The following SCFD2 variants were observed in gnomAD, a reference collection of about 807,000 sequenced individuals.
SCFD2 encodes sec1 family domain containing 2, also known as sec1 family domain-containing protein 2.
SCFD2 carries 54 observed loss-of-function variants against 58.9 expected under a neutral mutation model. The observed-to-expected ratio is 0.92, with a 90% CI of 0.74 to 1.15. The LOEUF (loss-of-function observed/expected upper bound fraction) is 1.15, where lower values mean the gene tolerates loss of function less well. SCFD2 is among the 50% of genes most tolerant of loss of function. The pLI, the probability that SCFD2 is intolerant of heterozygous loss-of-function variation, is 0.00. For synonymous variants in SCFD2, 321 were observed against 335.9 expected, an observed-to-expected ratio of 0.96 and a Z score of 0.49; for missense variants, 805 against 836.6, an observed-to-expected ratio of 0.96 and a Z score of 0.47.
At position 53,331,893 on chromosome 4, in the gene SCFD2, A is replaced by T. The variant is rs1224370409; in HGVS notation, c.1008-18130T>A. Among the ~76,000 whole-genome samples the T allele has an allele frequency of 2.0e-5, 3 of 152,240 alleles. No homozygotes were observed. The South Asian group carries it at 6.2e-4, about 31-fold the overall frequency. ...AAAGAGAGAAGAATCAAATAGAGGC[A>T]ATAAAAAATGATAAAGGGGATATCA... is the stretch of plus-strand genomic sequence containing the variant. On this transcript the variant is annotated intron_variant, in intron 2 of 8. Transcript: ENST00000401642.
At chr4:52,898,586 T>G (rs1433806055) in intron 7 of SCFD2, among the ~76,000 whole-genome samples, 1 of 152,186 alleles carries the variant, frequency 6.6e-6, no homozygotes, top group Non-Finnish European at 1.5e-5. Flanking sequence ...TGTGGTCAAT[T>G]TTGGAATAGG....
At chr4:52,909,564 G>T (rs182182569) in intron 6 of SCFD2, among the ~76,000 whole-genome samples, 1 of 152,094 alleles carries the variant, frequency 6.6e-6, no homozygotes, top group Admixed American at 6.5e-5. Flanking sequence ...ATGGGGTGGC[G>T]GACCAAGCAA....
chr4:53,122,174 T>C (rs554397706), intron 5 of SCFD2, among the ~76,000 whole-genome samples: 1 of 152,138 alleles, frequency 6.6e-6, no homozygotes, highest in South Asian at 2.1e-4. Context: ...GTCAGCAGTT[T>C]GAGACCAGCC....
At chr4:53,025,869 T>C (rs1249983689) in intron 5 of SCFD2, among the ~76,000 whole-genome samples, 2 of 152,214 alleles carry the variant, frequency 1.3e-5, no homozygotes, top group African/African-American at 4.8e-5. Context: ...GTTAAATACA[T>C]GTATAAAACT....
At chr4:53,074,046 A>G (rs1397189930) in intron 5 of SCFD2, among the ~76,000 whole-genome samples, 1 of 152,198 alleles carries the variant, frequency 6.6e-6, no homozygotes, top group East Asian at 1.9e-4. Flanking sequence ...TGTCTGTAGC[A>G]TGTAAGCACC....
intron 5 of SCFD2, among the ~76,000 whole-genome samples, chr4:53,084,518 T>A (rs1472021485): frequency 3.3e-5 from 5 of 152,304 alleles, no homozygotes; most frequent in African/African-American, 9.6e-5. Flanking sequence ...ACGTACATCC[T>A]CAGCTTACGA....
intron 7 of SCFD2, among the ~76,000 whole-genome samples, chr4:52,901,161 G>C (rs541555745): frequency 1.7e-4 from 26 of 152,230 alleles, no homozygotes; most frequent in Non-Finnish European, 2.5e-4. Context: ...TGCACCCGCT[G>C]TCCGGCATTC....
chr4:53,001,691 G>C (rs1305930082), intron 5 of SCFD2, among the ~76,000 whole-genome samples: 1 of 152,178 alleles, frequency 6.6e-6, no homozygotes, highest in Non-Finnish European at 1.5e-5. Context: ...ACTCAAAATT[G>C]ACGTTAAATT....
chr4:53,254,493 T>C (rs192232340), intron 4 of SCFD2, among the ~76,000 whole-genome samples: 4 of 151,968 alleles, frequency 2.6e-5, no homozygotes, highest in Non-Finnish European at 4.4e-5. Flanking sequence ...TTTCTTTTTT[T>C]TTTTGTTTTA....
intron 5 of SCFD2, among the ~76,000 whole-genome samples, chr4:52,926,250 AG>A (rs1719860225): frequency 6.6e-6 from 1 of 152,028 alleles, no homozygotes; most frequent in African/African-American, 2.4e-5. Context: ...CCTTTTCATA[AG>A]AACCTGGTTT....
At chr4:52,877,576 G>A (rs1160311513) in intron 8 of SCFD2, among the ~76,000 whole-genome samples, 1 of 152,228 alleles carries the variant, frequency 6.6e-6, no homozygotes, top group East Asian at 1.9e-4. Flanking sequence ...ATGATTATGT[G>A]AGGATCAATG....
At chr4:53,087,700 C>T (rs1168067403) in intron 5 of SCFD2, among the ~76,000 whole-genome samples, 1 of 149,540 alleles carries the variant, frequency 6.7e-6, no homozygotes, top group African/African-American at 2.5e-5. Context: ...CGCTGTGTCC[C>T]CCAGGCTGGA....
chr4:53,126,241 G>A (rs1408171763), intron 5 of SCFD2, among the ~76,000 whole-genome samples: 1 of 152,150 alleles, frequency 6.6e-6, no homozygotes, highest in African/African-American at 2.4e-5. Context: ...ATAATAATCG[G>A]TTGAAAGGAG....
intron 4 of SCFD2, among the ~76,000 whole-genome samples, chr4:53,159,218 G>A (rs1726780032): frequency 1.3e-5 from 2 of 152,146 alleles, no homozygotes; most frequent in African/African-American, 4.8e-5. Context: ...AGATATAATT[G>A]TAGATTATCT....
At chr4:53,345,103 T>C (rs1237464434) in intron 2 of SCFD2, among the ~76,000 whole-genome samples, 1 of 152,092 alleles carries the variant, frequency 6.6e-6, no homozygotes, top group Non-Finnish European at 1.5e-5. Context: ...ACAAATGGAA[T>C]CTACTTAAAC....
chr4:53,239,783 A>G (rs1387174304), intron 4 of SCFD2, among the ~76,000 whole-genome samples: 4 of 152,228 alleles, frequency 2.6e-5, no homozygotes, highest in East Asian at 3.9e-4. Context: ...GCCTTTGTTT[A>G]ACACTTAAAA....
intron 4 of SCFD2, among the ~76,000 whole-genome samples, chr4:53,202,614 G>A (rs1728283410): frequency 6.6e-6 from 1 of 152,124 alleles, no homozygotes; most frequent in Non-Finnish European, 1.5e-5. Context: ...AATTACCTTG[G>A]GCAGTATGGC....
intron 4 of SCFD2, among the ~76,000 whole-genome samples, chr4:53,169,423 C>T (rs1391625290): frequency 1.3e-5 from 2 of 151,938 alleles, no homozygotes; most frequent in African/African-American, 4.8e-5. Flanking sequence ...TACATATATA[C>T]CATGTTTTCT....
intron 5 of SCFD2, chr4:52,955,881 C>G (rs185290080): frequency 5.3e-4 from 187 of 355,290 alleles, no homozygotes; most frequent in Admixed American, 1.8e-3. Context: ...TTAGCATGCT[C>G]TAATTGAAGG....
Sources: allele counts gnomAD v4.1 joint callset (sites outside exome capture counted in the v4.1 genomes callset), GRCh38; gene constraint gnomAD v4.1.1; transcripts MANE v1.5; gene names NCBI Gene and HGNC (gene_info 2026-07-23, HGNC 2026-07-21).